Variants in CCDC171 observed in about 807,000 individuals in gnomAD.
CCDC171 encodes coiled-coil domain containing 171.
CCDC171 carries 177 observed loss-of-function variants against 168.2 expected under a neutral mutation model. The observed-to-expected ratio is 1.05, with a 90% CI of 0.93 to 1.19. CCDC171 has a LOEUF of 1.19. CCDC171 is among the 50% of genes most tolerant of loss of function. The pLI is 0.00. For missense variants in CCDC171, 1,991 were observed against 1,539.0 expected, an observed-to-expected ratio of 1.29 and a Z score of -4.91; for synonymous variants, 687 against 540.8, an observed-to-expected ratio of 1.27 and a Z score of -3.75.
chr9:15,613,334 T>G (rs1278703334), intron 6 of CCDC171, among the ~76,000 whole-genome samples: 3 of 152,092 alleles, frequency 2.0e-5, no homozygotes, highest in African/African-American at 7.2e-5. Flanking sequence ...ATGAAACCAG[T>G]TTTAGCATAG....
chr9:15,978,638 C>G (rs1831693556), downstream of CCDC171, among the ~76,000 whole-genome samples: 1 of 152,116 alleles, frequency 6.6e-6, no homozygotes, highest in Non-Finnish European at 1.5e-5. Context: ...TGGCAGTCAC[C>G]CTTTGACTAG....
chr9:16,076,435 G>A, the CCDC171 span, among the ~76,000 whole-genome samples: 1 of 152,148 alleles, frequency 6.6e-6, no homozygotes, highest in African/African-American at 2.4e-5. Flanking sequence ...GTTCTTCCAG[G>A]TTGATTGTGT....
At chr9:15,865,358 CAT>C (rs958863448) in intron 23 of CCDC171, among the ~76,000 whole-genome samples, 116 of 147,152 alleles carry the variant, frequency 7.9e-4, no homozygotes, top group African/African-American at 2.7e-3. Context: ...TACACACACA[CAT>C]ATATATATGT....
chr9:15,690,469 A>G lies in CCDC171; in HGVS notation c.1216-4766A>G, dbSNP rs77713705. Among the ~76,000 whole-genome samples the G allele has an allele frequency of 1.8e-3, 271 of 152,266 alleles. 2 individuals are homozygous for G. The highest frequency in any genetic ancestry group is 6.1e-3 in the African/African-American group (254 of 41,556). Reference sequence around the variant, plus strand: ...TTATCTCACAAATAGTTTTTAGACAACTTGTTATGTTATAATGATAAGTAA... The same window carrying G: ...TTATCTCACAAATAGTTTTTAGACAGCTTGTTATGTTATAATGATAAGTAA... On this transcript the variant is annotated intron_variant, in intron 10 of 25. Coordinates refer to ENST00000380701, the MANE Select transcript of CCDC171 (RefSeq NM_173550.4).
intron 3 of CCDC171, among the ~76,000 whole-genome samples, chr9:15,984,440 A>G (rs375914926): frequency 0.053 from 2,293 of 43,132 alleles, 34 homozygotes; most frequent in Non-Finnish European, 0.062. Flanking sequence ...GTGTGTGTGT[A>G]TATATATATA....
At chr9:15,795,740 G>T (rs143673524) in intron 21 of CCDC171, among the ~76,000 whole-genome samples, 1 of 152,326 alleles carries the variant, frequency 6.6e-6, no homozygotes, top group East Asian at 1.9e-4. Context: ...GAAAATCTCT[G>T]CCTAGCAGCT....
chr9:15,742,888 C>A (rs748258091), intron 16 of CCDC171, among the ~76,000 whole-genome samples: 1 of 152,022 alleles, frequency 6.6e-6, no homozygotes, highest in Non-Finnish European at 1.5e-5. Context: ...ATCCTCCCAC[C>A]TTCACCCTCT....
chr9:15,904,870 T>C (rs1822293691), intron 24 of CCDC171, among the ~76,000 whole-genome samples: 1 of 151,588 alleles, frequency 6.6e-6, no homozygotes, highest in Admixed American at 6.6e-5. Flanking sequence ...GGGGTTGCAA[T>C]CCTAGTCTCT....
intron 25 of CCDC171, among the ~76,000 whole-genome samples, chr9:15,936,294 A>G (rs1589173205): frequency 6.6e-6 from 1 of 152,016 alleles, no homozygotes; most frequent in Non-Finnish European, 1.5e-5. Flanking sequence ...GACACTATGC[A>G]CCAAGCCACA....
chr9:15,743,403 C>A (rs181417387), intron 16 of CCDC171, among the ~76,000 whole-genome samples: 1 of 151,940 alleles, frequency 6.6e-6, no homozygotes, highest in South Asian at 2.1e-4. Context: ...AACTCTTGAG[C>A]TCAAGCAATC....
At chr9:16,025,116 C>G (rs1249050212) in intron 6 of CCDC171, among the ~76,000 whole-genome samples, 2 of 152,098 alleles carry the variant, frequency 1.3e-5, no homozygotes, top group African/African-American at 2.4e-5. Context: ...AAGGGTATGC[C>G]CCAAATAACT....
chr9:15,969,089 A>G lies in CCDC171; in HGVS notation c.3754-2520A>G, dbSNP rs778346265. On this transcript the variant is annotated intron_variant, in intron 25 of 25. Transcript: ENST00000380701. ...TTAGATTATTTTCCATGTTTAGGACATAACGTCAGAAAATAGTGTGCAAAA... is the reference window on the plus strand; with the variant it reads ...TTAGATTATTTTCCATGTTTAGGACGTAACGTCAGAAAATAGTGTGCAAAA... Among the ~76,000 whole-genome samples, 6 of 152,314 alleles carry G rather than the reference A, an allele frequency of 3.9e-5. No homozygotes were observed. The South Asian group carries it at 6.2e-4, about 16-fold the overall frequency.
At chr9:15,762,531 G>C (rs1564362971) in intron 18 of CCDC171, among the ~76,000 whole-genome samples, 1 of 152,066 alleles carries the variant, frequency 6.6e-6, no homozygotes, top group Non-Finnish European at 1.5e-5. Context: ...AAATACAAAT[G>C]TTCCTTAGGC....
At chr9:15,840,445 G>A (rs1306221464) in intron 21 of CCDC171, among the ~76,000 whole-genome samples, 1 of 152,090 alleles carries the variant, frequency 6.6e-6, no homozygotes, top group Non-Finnish European at 1.5e-5. Context: ...AAGTTTTTGA[G>A]TATGCTATAG....
In CCDC171 at chr9:15,571,707, T is replaced by A. The variant is rs776178350; in HGVS notation, c.125T>A (p.Leu42His). 1.6e-5 allele frequency: 26 copies of A among 1,588,796 alleles called. No individual in the cohort carries two copies. Among genetic ancestry groups the A allele is most frequent in the East Asian group, 2.3e-5 (1 of 43,700 alleles). ...LDITDNLRKK[L>H]HWAKKEKLEI... ...ATTACTGATAATCTCAGGAAGAAAC[T>A]CCATTGGGCTAAAAAAGAAAAGTTA... Residue 42 changes from leucine (L) to histidine (H), a missense_variant, in exon 3 of 26, where the codon CTC becomes CAC. Physicochemically the swap from Leu to His is moderately conservative, Grantham distance 99. Coordinates refer to ENST00000380701, the MANE Select transcript of CCDC171 (RefSeq NM_173550.4).
chr9:15,604,165 T>C (rs1283276683), intron 6 of CCDC171, among the ~76,000 whole-genome samples: 1 of 152,062 alleles, frequency 6.6e-6, no homozygotes, highest in African/African-American at 2.4e-5. Context: ...GTCAGATGGA[T>C]AGATTGCAGA....
At chr9:15,708,942 A>T (rs538422241) in intron 11 of CCDC171, among the ~76,000 whole-genome samples, 1 of 152,340 alleles carries the variant, frequency 6.6e-6, no homozygotes, top group South Asian at 2.1e-4. Context: ...AACTTTCTAA[A>T]TATTGTTAGG....
At chr9:15,789,848 G>A (rs1482558505) in intron 21 of CCDC171, among the ~76,000 whole-genome samples, 9 of 149,418 alleles carry the variant, frequency 6.0e-5, no homozygotes, top group Admixed American at 2.0e-4. Flanking sequence ...GAGAACATGC[G>A]GTGTTTGGTT....
At chr9:15,830,513 C>G (rs887092238) in intron 21 of CCDC171, among the ~76,000 whole-genome samples, 6 of 152,174 alleles carry the variant, frequency 3.9e-5, no homozygotes, top group African/African-American at 1.4e-4. Context: ...TCAATTGATT[C>G]TAATGATAGT....
Sources: allele counts gnomAD v4.1 joint callset (sites outside exome capture counted in the v4.1 genomes callset), GRCh38; gene constraint gnomAD v4.1.1; transcripts MANE v1.5; gene names NCBI Gene and HGNC (gene_info 2026-07-23, HGNC 2026-07-21).